The following MBNL2 variants were observed in gnomAD, a reference collection of about 807,000 sequenced individuals.
MBNL2 encodes muscleblind like splicing regulator 2.
A neutral mutation model predicts 41.9 loss-of-function variants in MBNL2; 17 were observed. The observed-to-expected ratio is 0.41, with a 90% CI of 0.28 to 0.61. The LOEUF is 0.61. Ranked by LOEUF, MBNL2 falls within the 20% of genes least tolerant of loss-of-function variation. The pLI is 0.35. For synonymous variants in MBNL2, 195 were observed against 182.9 expected (o/e 1.07, Z -0.53); for missense variants, 336 against 505.6 (o/e 0.66, Z 3.22).
At chr13:97,216,529 T>G (rs2040392153), upstream of MBNL2, among the ~76,000 whole-genome samples, 1 of 152,150 alleles carries the variant, frequency 6.6e-6, no homozygotes, top group African/African-American at 2.4e-5. Context: ...GCAACTTACC[T>G]TTCTGTCTCA....
At chr13:97,144,420 C>CTT in the MBNL2 span, among the ~76,000 whole-genome samples, 17 of 87,610 alleles carry the variant, frequency 1.9e-4, no homozygotes, top group African/African-American at 9.4e-4. Flanking sequence ...AGACATGATA[C>CTT]TTCTTTTTTT....
At chr13:97,257,257 G>A (rs138722576) in intron 1 of MBNL2, among the ~76,000 whole-genome samples, 270 of 152,130 alleles carry the variant, frequency 1.8e-3, no homozygotes, top group African/African-American at 6.0e-3. Flanking sequence ...AAGGAACAAG[G>A]AGCAGGAGAA....
chr13:97,375,195 C>G (rs2064850027), intron 8 of MBNL2, among the ~76,000 whole-genome samples: 1 of 152,194 alleles, frequency 6.6e-6, no homozygotes, highest in African/African-American at 2.4e-5. Context: ...TCTCTCAGCC[C>G]CTTCTGGCAT....
At chr13:97,250,588 G>A (rs1388046467) in intron 1 of MBNL2, among the ~76,000 whole-genome samples, 1 of 151,842 alleles carries the variant, frequency 6.6e-6, no homozygotes, top group East Asian at 1.9e-4. Flanking sequence ...CCTCCTTTTA[G>A]TATGCAGAAT....
intron 1 of MBNL2, among the ~76,000 whole-genome samples, chr13:97,222,914 G>A (rs1474387465): frequency 1.3e-5 from 2 of 152,096 alleles, no homozygotes; most frequent in Middle Eastern, 3.4e-3. Flanking sequence ...AAACAGACTT[G>A]CAATTAAGGA....
chr13:97,344,491 T>C (rs1345814876), intron 4 of MBNL2, among the ~76,000 whole-genome samples: 1 of 152,216 alleles, frequency 6.6e-6, no homozygotes, highest in African/African-American at 2.4e-5. Flanking sequence ...ATTAACCCAA[T>C]AAACCTTGAA....
At chr13:97,323,386 A>T (rs910510828) in intron 2 of MBNL2, among the ~76,000 whole-genome samples, 42 of 152,366 alleles carry the variant, frequency 2.8e-4, no homozygotes, top group African/African-American at 9.6e-4. Flanking sequence ...CGTGGATTCA[A>T]CCAACTATGG....
At chr13:97,243,182 C>T (rs2044680452) in intron 1 of MBNL2, among the ~76,000 whole-genome samples, 1 of 152,188 alleles carries the variant, frequency 6.6e-6, no homozygotes, top group African/African-American at 2.4e-5. Context: ...GTCCCTTGAA[C>T]ATATCAAGTT....
rs1194082083 is a variant in MBNL2, at chr13:97,366,418, C to T, written c.1048+1247C>T. On this transcript the variant is annotated intron_variant, in intron 8 of 8. Transcript: ENST00000679496. This position sits in a 1 kb window ranked among gnomAD's most constrained non-coding sequence, Gnocchi z 4.7. ...TACCACTTCTATTACCATAATGCTACACCCTCCTGTTCATTGCTCCCATGG... is the reference window on the plus strand; with the variant it reads ...TACCACTTCTATTACCATAATGCTATACCCTCCTGTTCATTGCTCCCATGG... 7 of 927,554 alleles carry T rather than the reference C, an allele frequency of 7.5e-6. No homozygotes were observed. Among genetic ancestry groups the T allele is most frequent in the Non-Finnish European group, 1.1e-5 (6 of 561,680 alleles). 57.5% of individuals were successfully genotyped at this position (927,554 alleles called of 1,614,324 possible).
At chr13:97,264,566 A>G (rs887715136) in intron 1 of MBNL2, among the ~76,000 whole-genome samples, 4 of 152,232 alleles carry the variant, frequency 2.6e-5, no homozygotes, top group African/African-American at 9.6e-5. Flanking sequence ...TTCTGTTGAT[A>G]TGTAAATTAC....
the MBNL2 span, among the ~76,000 whole-genome samples, chr13:97,160,585 CAT>C: frequency 7.9e-5 from 12 of 152,254 alleles, no homozygotes; most frequent in Admixed American, 3.9e-4. Flanking sequence ...CACACACACA[CAT>C]ACCCATAAAA....
chr13:97,183,076 T>A, the MBNL2 span, among the ~76,000 whole-genome samples: 1 of 152,212 alleles, frequency 6.6e-6, no homozygotes, highest in Non-Finnish European at 1.5e-5. Context: ...TAAACGCAGA[T>A]GCATCAAAAT....
the MBNL2 span, among the ~76,000 whole-genome samples, chr13:97,163,160 G>A: frequency 8.7e-3 from 1,320 of 152,316 alleles, 10 homozygotes; most frequent in Middle Eastern, 0.048. Flanking sequence ...GCATCAGGGC[G>A]TAGGGTCCGG....
the MBNL2 span, among the ~76,000 whole-genome samples, chr13:97,173,799 C>T: frequency 5.9e-5 from 9 of 152,288 alleles, no homozygotes; most frequent in Middle Eastern, 3.4e-3. Context: ...GGAATATCTG[C>T]GCCTTCTATC....
At chr13:97,195,547 T>C in the MBNL2 span, among the ~76,000 whole-genome samples, 1 of 152,180 alleles carries the variant, frequency 6.6e-6, no homozygotes. Context: ...AGAATAACTG[T>C]CTTTGACTGC....
the MBNL2 span, among the ~76,000 whole-genome samples, chr13:97,144,446 T>TTTTTTTTTTA: frequency 9.0e-6 from 1 of 111,724 alleles, no homozygotes. Flanking sequence ...TTTTTTTTTT[T>TTTTTTTTTTA]GAGACAGAGT....
chr13:97,181,387 G>A, the MBNL2 span, among the ~76,000 whole-genome samples: 1 of 152,066 alleles, frequency 6.6e-6, no homozygotes, highest in African/African-American at 2.4e-5. Flanking sequence ...TTGAATAGGT[G>A]GTTTTAAAAA....
the MBNL2 span, among the ~76,000 whole-genome samples, chr13:97,164,611 G>T: frequency 1.3e-5 from 2 of 151,976 alleles, no homozygotes; most frequent in African/African-American, 4.8e-5. Context: ...TTGTGCTGTA[G>T]CCTAACAGAA....
In MBNL2 at chr13:97,276,139, C is replaced by T. The variant is rs766968214; in HGVS notation, c.-97C>T. On this transcript the variant is annotated 5_prime_UTR_variant, in exon 2 of 9. Coordinates refer to ENST00000679496, the MANE Select transcript of MBNL2 (RefSeq NM_001382683.1). Reference sequence around the variant, plus strand: ...AATTTATCACTCACCTTCAGACTTACATGTGGGAGTTTTCACAACAGTAGT... The same window carrying T: ...AATTTATCACTCACCTTCAGACTTATATGTGGGAGTTTTCACAACAGTAGT... The T allele has an allele frequency of 3.5e-5, 32 of 902,464 alleles. No individual in the cohort carries two copies. Among genetic ancestry groups the T allele is most frequent in the African/African-American group, 6.6e-5 (4 of 60,456 alleles). The allele number at this position is 902,464 out of a possible 1,614,324, so 55.9% of individuals were successfully genotyped here. A position where few individuals can be genotyped will look rare whatever the true frequency, so the allele number is the denominator to read the frequency against.
Sources: allele counts gnomAD v4.1 joint callset (sites outside exome capture counted in the v4.1 genomes callset), GRCh38; gene constraint gnomAD v4.1.1; non-coding constraint Gnocchi (gnomAD v3.1); transcripts MANE v1.5; gene names NCBI Gene and HGNC (gene_info 2026-07-23, HGNC 2026-07-21).